TOPAZ1: variants seen among roughly 807,000 people sequenced by gnomAD.
TOPAZ1 encodes testis and ovary specific TOPAZ 1.
Under a neutral mutation model 172.2 loss-of-function variants are expected in TOPAZ1, and 66 were observed. That is an observed-to-expected ratio of 0.38 (90% CI 0.31 to 0.47). The LOEUF is 0.47. Ranked by LOEUF, TOPAZ1 falls within the 20% of genes least tolerant of loss-of-function variation. The pLI is 0.99. For synonymous variants in TOPAZ1, 681 were observed against 683.9 expected, an observed-to-expected ratio of 1.00 and a Z score of 0.07; for missense variants, 1,822 against 1,972.4, an observed-to-expected ratio of 0.92 and a Z score of 1.44.
At chr3:44,257,176 T>C (rs924872657) in intron 4 of TOPAZ1, among the ~76,000 whole-genome samples, 1 of 151,366 alleles carries the variant, frequency 6.6e-6, no homozygotes, top group African/African-American at 2.4e-5. Flanking sequence ...AAAAAAAAAT[T>C]TTTTTTTAAT....
At position 44,306,374 on chromosome 3, in the gene TOPAZ1, G is replaced by T. The variant is rs1169004415; in HGVS notation, c.4088G>T (p.Arg1363Ile). 1 of 1,549,138 alleles carries T rather than the reference G, an allele frequency of 6.5e-7. No homozygotes were observed. The highest frequency in any genetic ancestry group is 2.0e-5 in the Admixed American group (1 of 50,990). The change falls in exon 15 of 20, where the codon AGA (arginine) becomes ATA (isoleucine). Residue 1363 changes from arginine (R) to isoleucine (I), a missense_variant. Arg to Ile is a moderately conservative substitution (Grantham distance 97). Around this residue, in one of 2 missense-constraint regions of TOPAZ1, gnomAD observed 333 missense variants for 481.7 expected, o/e 0.69. Coordinates refer to ENST00000309765, the MANE Select transcript of TOPAZ1 (RefSeq NM_001145030.2). The stretch of plus-strand genomic sequence containing the variant: ...AAAGTAGATAAAGGTGTACTGGGAA[G>T]AATTGGAATCAGTGCTATGTACTTC... ...NSKVDKGVLG[R>I]IGISAMYFYH...
chr3:44,288,770 G>A (rs1201304525), intron 11 of TOPAZ1, among the ~76,000 whole-genome samples: 6 of 152,150 alleles, frequency 3.9e-5, no homozygotes, highest in Non-Finnish European at 8.8e-5. Context: ...TTGGCTTTCT[G>A]CAAAATGTAC....
chr3:44,334,052 A>G (rs1700697563), downstream of TOPAZ1, among the ~76,000 whole-genome samples: 1 of 152,206 alleles, frequency 6.6e-6, no homozygotes, highest in East Asian at 1.9e-4. Context: ...GAGTTTTGAC[A>G]TGCATGTATT....
intron 2 of TOPAZ1, 151 bp from the exon 3 acceptor site, chr3:44,254,817 G>A (rs915327252): frequency 1.2e-5 from 6 of 492,606 alleles, no homozygotes; most frequent in African/African-American, 1.2e-4. Flanking sequence ...GGTGCACTGG[G>A]TTCTGTGTCT....
chr3:44,262,067 A>G (rs995367279), intron 4 of TOPAZ1, among the ~76,000 whole-genome samples: 1 of 152,190 alleles, frequency 6.6e-6, no homozygotes, highest in Non-Finnish European at 1.5e-5. Flanking sequence ...TTTTATGTTC[A>G]TAAATACCAC....
At chr3:44,294,442 T>C (rs775402148) in intron 12 of TOPAZ1, among the ~76,000 whole-genome samples, 21 of 152,196 alleles carry the variant, frequency 1.4e-4, no homozygotes, top group Non-Finnish European at 1.6e-4. Context: ...TATGTTATTT[T>C]ATACTTGAAT....
At position 44,243,865 on chromosome 3, in the gene TOPAZ1, A is replaced by G. The variant is rs1699522651; in HGVS notation, c.1359A>G (p.Ile453Met). 2 of 1,551,824 alleles carry G rather than the reference A, an allele frequency of 1.3e-6. No homozygotes were observed. Among genetic ancestry groups the G allele is most frequent in the Admixed American group, 2.0e-5 (1 of 50,948 alleles). The change falls in exon 2 of 20, where the codon ATA (isoleucine) becomes ATG (methionine). Residue 453 changes from isoleucine (I) to methionine (M), a missense_variant. This residue lies in a region of TOPAZ1 where 1,489 missense variants were observed against 1,490.8 expected (regional missense o/e 1.00). Transcript: ENST00000309765. ...ATTTTAAATCGATGAAAAGCTTCAT[A>G]GGGAAATCACCTAATGAGTACCATA... Reference protein sequence around the residue: ...KEDFKSMKSFIGKSPNEYHIE... With the variant: ...KEDFKSMKSFMGKSPNEYHIE...
intron 12 of TOPAZ1, among the ~76,000 whole-genome samples, chr3:44,301,638 T>A (rs559924170): frequency 1.3e-5 from 2 of 152,310 alleles, no homozygotes; most frequent in Admixed American, 6.5e-5. Context: ...TGTTCGTATA[T>A]TTGAGGGCTA....
chr3:44,273,191 C>A (rs1384385488), intron 8 of TOPAZ1, among the ~76,000 whole-genome samples: 1 of 152,210 alleles, frequency 6.6e-6, no homozygotes, highest in Non-Finnish European at 1.5e-5. Flanking sequence ...GGTGCTTCCT[C>A]ATTCGTGAAT....
At chr3:44,321,233 C>A in intron 17 of TOPAZ1, 42 bp downstream of exon 17, 1 of 1,411,172 alleles carries the variant, frequency 7.1e-7, no homozygotes, top group Non-Finnish European at 9.6e-7. Context: ...TCTTGCCCAT[C>A]TGGTGTTTAA....
chr3:44,303,493 T>G (rs1700299978), intron 12 of TOPAZ1, among the ~76,000 whole-genome samples: 1 of 151,226 alleles, frequency 6.6e-6, no homozygotes, highest in South Asian at 2.1e-4. Flanking sequence ...TTTTTTTTTT[T>G]TTTTTTTTAG....
At chr3:44,309,504 T>C (rs964472206) in intron 15 of TOPAZ1, among the ~76,000 whole-genome samples, 10 of 152,358 alleles carry the variant, frequency 6.6e-5, no homozygotes, top group Admixed American at 3.3e-4. Context: ...TGCTAAATCA[T>C]GGAAGCCTTT....
chr3:44,258,112 T>C (rs1354425447), intron 4 of TOPAZ1, among the ~76,000 whole-genome samples: 1 of 152,238 alleles, frequency 6.6e-6, no homozygotes, highest in African/African-American at 2.4e-5. Context: ...TTGTTCTTTT[T>C]GTAGCTTCCT....
intron 12 of TOPAZ1, among the ~76,000 whole-genome samples, chr3:44,298,924 T>A (rs1228373836): frequency 1.2e-3 from 82 of 69,726 alleles, no homozygotes; most frequent in African/African-American, 3.4e-3. Context: ...TTTTTTTTTT[T>A]TTTTTTTTTT....
At chr3:44,307,451 A>G (rs1223445267) in intron 15 of TOPAZ1, among the ~76,000 whole-genome samples, 1 of 152,102 alleles carries the variant, frequency 6.6e-6, no homozygotes, top group African/African-American at 2.4e-5. Flanking sequence ...TTAGCTTACC[A>G]TAGAGATGGT....
intron 12 of TOPAZ1, among the ~76,000 whole-genome samples, chr3:44,303,442 C>A (rs1207659029): frequency 3.4e-5 from 5 of 145,084 alleles, no homozygotes; most frequent in Admixed American, 1.4e-4. Context: ...TTTTAAGATC[C>A]TTCCTTGTGG....
intron 9 of TOPAZ1, among the ~76,000 whole-genome samples, chr3:44,285,320 G>C (rs775488596): frequency 1.1e-4 from 16 of 151,932 alleles, no homozygotes; most frequent in Non-Finnish European, 2.2e-4. Flanking sequence ...TAAAAAATTA[G>C]CCAGGCATGG....
chr3:44,314,475 GAGA>G (rs1700430456), intron 16 of TOPAZ1, among the ~76,000 whole-genome samples: 1 of 152,122 alleles, frequency 6.6e-6, no homozygotes, highest in Non-Finnish European at 1.5e-5. Flanking sequence ...CTGAGGTTCA[GAGA>G]AGATCACACA....
chr3:44,259,701 A>G (rs976347948), intron 4 of TOPAZ1, among the ~76,000 whole-genome samples: 4 of 152,234 alleles, frequency 2.6e-5, no homozygotes, highest in East Asian at 1.9e-4. Context: ...ACTTTCAACA[A>G]TATTGTGTGA....
Sources: allele counts gnomAD v4.1 joint callset (sites outside exome capture counted in the v4.1 genomes callset), GRCh38; gene constraint gnomAD v4.1.1; regional missense constraint gnomAD v4.1.1; transcripts MANE v1.5; gene names NCBI Gene and HGNC (gene_info 2026-07-23, HGNC 2026-07-21).